Variants in LRP2 observed in about 807,000 individuals in gnomAD.
LRP2 encodes the protein low-density lipoprotein receptor-related protein 2.
Under a neutral mutation model 531.0 loss-of-function variants are expected in LRP2, and 172 were observed. That is an observed-to-expected ratio of 0.32 (90% confidence interval 0.29 to 0.37). LRP2 has a LOEUF of 0.37. Ranked by LOEUF, LRP2 falls within the 10% of genes least tolerant of loss-of-function variation. The pLI is 1.00. For synonymous variants in LRP2, 1,992 were observed against 2,027.6 expected (o/e 0.98, Z 0.47); for missense variants, 5,167 against 5,868.3 (o/e 0.88, Z 3.90).
chr2:169,216,883 T>G (rs1189147412), intron 34 of LRP2, among the ~76,000 whole-genome samples: 2 of 152,214 alleles, frequency 1.3e-5, no homozygotes, highest in East Asian at 3.8e-4. Flanking sequence ...GACCGGCTAC[T>G]TAATTACCTA....
intron 33 of LRP2, among the ~76,000 whole-genome samples, chr2:169,222,320 C>T (rs1013063177): frequency 2.6e-5 from 4 of 152,144 alleles, no homozygotes; most frequent in African/African-American, 9.7e-5. Context: ...TTTACTTCCT[C>T]AGCCATAAAC....
intron 3 of LRP2, among the ~76,000 whole-genome samples, chr2:169,309,284 A>G (rs547452850): frequency 3.1e-4 from 47 of 152,332 alleles, no homozygotes; most frequent in African/African-American, 9.9e-4. Context: ...TGTTTTAGAC[A>G]TGAAGTCCTT....
At position 169,212,114 on chromosome 2, in the gene LRP2, C is replaced by G. The variant is rs1445166245; in HGVS notation, c.6134G>C (p.Cys2045Ser). 9.3e-6 allele frequency: 15 copies of G among 1,614,032 alleles called. No individual in the cohort carries two copies. The highest frequency in any genetic ancestry group is 1.3e-5 in the Non-Finnish European group (15 of 1,179,940). Reference protein sequence around the residue: ...PVPGGLFSCACATGFKLNPDN... With the variant: ...PVPGGLFSCASATGFKLNPDN... ...AGGATTGAGTTTAAATCCAGTGGCA[C>G]AGGCGCAGGAAAACAATCCTCCTGG... Residue 2045 changes from cysteine (C) to serine (S), a missense_variant, in exon 37 of 79, where the codon TGT becomes TCT. Physicochemically the swap from Cys to Ser is moderately radical, Grantham distance 112. Transcript: ENST00000649046.
At chr2:169,225,054 G>A (rs1374472723) in intron 33 of LRP2, among the ~76,000 whole-genome samples, 1 of 151,902 alleles carries the variant, frequency 6.6e-6, no homozygotes, top group African/African-American at 2.4e-5. Flanking sequence ...TCTTGCCACT[G>A]CACTCCAGCC....
rs1193156815 is a variant in LRP2, at chr2:169,327,281, G to A, written c.80-6397C>T. Reference sequence around the variant, plus strand: ...AGGGAGGTGGGGGGGTCAGCCCCCCGCCCGGCCAGCCGCCCCGTCTGGGAG... The same window carrying A: ...AGGGAGGTGGGGGGGTCAGCCCCCCACCCGGCCAGCCGCCCCGTCTGGGAG... On this transcript the variant is annotated intron_variant, in intron 1 of 78. Transcript: ENST00000649046. 1.9e-3 allele frequency among the ~76,000 whole-genome samples: 189 copies of A among 99,804 alleles called. 3 individuals are homozygous for A. Among genetic ancestry groups the A allele is most frequent in the African/African-American group, 6.7e-3 (177 of 26,348 alleles). 65.5% of individuals were successfully genotyped at this position (99,804 alleles called of 152,430 possible). A position where few individuals can be genotyped will look rare whatever the true frequency, so the allele number is the denominator to read the frequency against.
In LRP2 at chr2:169,220,445, A is replaced by C; in HGVS notation, c.5648+9T>G. The C allele has an allele frequency of 6.2e-7, 1 of 1,602,170 alleles. No individual in the cohort carries two copies. The highest frequency in any genetic ancestry group is 8.6e-7 in the Non-Finnish European group (1 of 1,169,220). On this transcript the variant is annotated intron_variant, in intron 34 of 78. Coordinates refer to ENST00000649046, the MANE Select transcript of LRP2 (RefSeq NM_004525.3). ...GCATGGAAGACACGTGCCATTTATG[A>C]ATACTCACCCACGAGCAGGATCAAC...
chr2:169,216,669 A>G (rs1688808635), intron 34 of LRP2, among the ~76,000 whole-genome samples: 1 of 152,162 alleles, frequency 6.6e-6, no homozygotes, highest in Non-Finnish European at 1.5e-5. Flanking sequence ...CTGGAATAAG[A>G]AGCTAGGGTA....
chr2:169,189,093 C>A (rs1687740940), intron 48 of LRP2, among the ~76,000 whole-genome samples: 1 of 152,136 alleles, frequency 6.6e-6, no homozygotes, highest in Non-Finnish European at 1.5e-5. Flanking sequence ...CTCCATATTA[C>A]TCCAAGATCC....
At chr2:169,156,483 T>A (rs1686335832) in intron 64 of LRP2, 78 bp from the exon 65 acceptor site, 1 of 1,550,208 alleles carries the variant, frequency 6.5e-7, no homozygotes, top group Admixed American at 1.7e-5. Flanking sequence ...TTTAAACCCA[T>A]ATTCACCAGC....
intron 16 of LRP2, among the ~76,000 whole-genome samples, chr2:169,266,458 T>C (rs1432336598): frequency 6.6e-6 from 1 of 152,074 alleles, no homozygotes; most frequent in Non-Finnish European, 1.5e-5. Context: ...TACTATTTTC[T>C]AGCCATTACT....
At chr2:169,283,663 A>G (rs1683766214) in intron 9 of LRP2, among the ~76,000 whole-genome samples, 1 of 152,220 alleles carries the variant, frequency 6.6e-6, no homozygotes. Flanking sequence ...ATGTCAAAAA[A>G]TTATAACCAA....
At chr2:169,216,511 T>C in intron 34 of LRP2, 81 bp from the exon 35 acceptor site, 1 of 1,391,120 alleles carries the variant, frequency 7.2e-7, no homozygotes, top group Non-Finnish European at 1.0e-6. Flanking sequence ...TGTGTATTAC[T>C]TGTCCTCAAG....
chr2:169,315,382 G>A (rs369169519), intron 3 of LRP2, among the ~76,000 whole-genome samples: 2 of 152,304 alleles, frequency 1.3e-5, no homozygotes, highest in African/African-American at 4.8e-5. Context: ...TCTGGGATGG[G>A]AGCATGGATG....
chr2:169,272,887 C>T (rs1430260252), intron 15 of LRP2, 40 bp downstream of exon 15: 1 of 1,612,172 alleles, frequency 6.2e-7, no homozygotes, highest in Non-Finnish European at 8.5e-7. Flanking sequence ...ACACATACAC[C>T]TGTGTCACCT....
intron 9 of LRP2, among the ~76,000 whole-genome samples, chr2:169,284,494 T>C (rs918555410): frequency 8.5e-5 from 13 of 152,140 alleles, no homozygotes; most frequent in African/African-American, 3.1e-4. Flanking sequence ...CTCAAACTCC[T>C]GATCTCAAGT....
intron 52 of LRP2, among the ~76,000 whole-genome samples, chr2:169,180,699 T>C (rs1193510706): frequency 2.0e-5 from 3 of 152,226 alleles, no homozygotes; most frequent in African/African-American, 7.2e-5. Context: ...TTGAAATAGT[T>C]CTACTGAATG....
At chr2:169,235,245 T>A (rs137866222) in intron 29 of LRP2, among the ~76,000 whole-genome samples, 72,463 of 142,476 alleles carry the variant, frequency 0.51, 17,732 homozygotes, top group South Asian at 0.73. Context: ...TGAAAAAAAT[T>A]TTTTTTTTTT....
intron 3 of LRP2, among the ~76,000 whole-genome samples, chr2:169,316,515 A>C (rs1684768054): frequency 6.6e-6 from 1 of 152,202 alleles, no homozygotes; most frequent in Non-Finnish European, 1.5e-5. Flanking sequence ...TAGTGGGTTA[A>C]ATGCTATTTC....
chr2:169,347,590 A>G (rs1404869305), intron 1 of LRP2, among the ~76,000 whole-genome samples: 2 of 129,746 alleles, frequency 1.5e-5, no homozygotes, highest in African/African-American at 2.5e-5. Context: ...TATAGAGGGA[A>G]AAAAAAAAAA....
Sources: gnomAD v4.1 joint callset for allele counts (sites outside exome capture counted in the v4.1 genomes callset) on GRCh38, gnomAD v4.1.1 for gene constraint, MANE v1.5 for transcripts, NCBI Gene and HGNC (gene_info 2026-07-23, HGNC 2026-07-21) for gene names.